Variants in MBD5 observed in about 807,000 individuals in gnomAD.
The protein encoded by MBD5 is methyl-CpG-binding domain protein 5.
MBD5 carries 13 observed loss-of-function variants against 117.3 expected under a neutral mutation model. The ratio of observed to expected loss-of-function variants is 0.11; its 90% CI spans 0.07 to 0.18. The LOEUF is 0.18. MBD5 is among the 10% of genes least tolerant of loss of function. The probability of loss-of-function intolerance (pLI) is 1.00; values close to 1 mark genes in which losing one functional copy is unlikely to be tolerated. For synonymous variants in MBD5, 727 were observed against 766.4 expected, an observed-to-expected ratio of 0.95 and a Z score of 0.85; for missense variants, 1,879 against 2,093.8, an observed-to-expected ratio of 0.90 and a Z score of 2.00.
chr2:148,081,933 C>T (rs1573993460), intron 1 of MBD5, among the ~76,000 whole-genome samples: 1 of 152,188 alleles, frequency 6.6e-6, no homozygotes, highest in East Asian at 1.9e-4. Flanking sequence ...GGTAAGTAAT[C>T]TTGCCCATAG....
At chr2:148,318,014 C>A (rs959964157) in intron 3 of MBD5, among the ~76,000 whole-genome samples, 1 of 152,122 alleles carries the variant, frequency 6.6e-6, no homozygotes, top group African/African-American at 2.4e-5. Context: ...ATTCTTAGTT[C>A]TTGAAGAACT....
chr2:148,155,608 T>C (rs1384519445), intron 1 of MBD5, among the ~76,000 whole-genome samples: 1 of 152,228 alleles, frequency 6.6e-6, no homozygotes, highest in African/African-American at 2.4e-5. Context: ...TTTGCCTTCA[T>C]TTGGGCTTTT....
At chr2:148,449,132 C>T (rs1706650840) in intron 4 of MBD5, among the ~76,000 whole-genome samples, 1 of 151,980 alleles carries the variant, frequency 6.6e-6, no homozygotes, top group Admixed American at 6.6e-5. Flanking sequence ...TGAGTACATT[C>T]CTAGGTGGGT....
chr2:148,326,142 G>A (rs924548745), intron 3 of MBD5, among the ~76,000 whole-genome samples: 6 of 152,144 alleles, frequency 3.9e-5, no homozygotes, highest in Non-Finnish European at 5.9e-5. Context: ...GTAGGTGAGT[G>A]GTTTTGAGTG....
intron 4 of MBD5, among the ~76,000 whole-genome samples, chr2:148,381,005 C>T (rs1215934636): frequency 6.6e-6 from 1 of 152,066 alleles, no homozygotes; most frequent in African/African-American, 2.4e-5. Flanking sequence ...GTAGATAAAA[C>T]CACAAAGATG....
chr2:148,487,746 C>T (rs886182860), intron 10 of MBD5, among the ~76,000 whole-genome samples: 1 of 152,130 alleles, frequency 6.6e-6, no homozygotes, highest in Admixed American at 6.5e-5. Context: ...TCTTGACACA[C>T]ACACACACAC....
At chr2:148,250,641 G>A (rs1181283833) in intron 3 of MBD5, among the ~76,000 whole-genome samples, 1 of 152,018 alleles carries the variant, frequency 6.6e-6, no homozygotes, top group African/African-American at 2.4e-5. Context: ...TTTCATTTCC[G>A]GACTTCATGG....
At chr2:148,334,145 A>G (rs1230523048) in intron 3 of MBD5, among the ~76,000 whole-genome samples, 1 of 152,062 alleles carries the variant, frequency 6.6e-6, no homozygotes, top group Non-Finnish European at 1.5e-5. Context: ...TTCCGTAAGC[A>G]CTGGCTGTCA....
intron 1 of MBD5, among the ~76,000 whole-genome samples, chr2:148,159,381 G>A (rs142323417): frequency 1.3e-5 from 2 of 152,050 alleles, no homozygotes; most frequent in East Asian, 3.9e-4. Flanking sequence ...GCAGTGGTAC[G>A]ATTGGCTCAC....
intron 1 of MBD5, among the ~76,000 whole-genome samples, chr2:148,095,064 G>A (rs1430793633): frequency 6.6e-6 from 1 of 152,102 alleles, no homozygotes; most frequent in African/African-American, 2.4e-5. Flanking sequence ...AAATAAAACT[G>A]TGGCAAGTGA....
At position 148,468,500 on chromosome 2, in the gene MBD5, T is replaced by A; in HGVS notation, c.557T>A (p.Leu186Gln). ...ATGGGAAGGCTATATGTACAAGAAC[T>A]GCCTGGAAGCCAACAACAAGAACTC... ...NAMGRLYVQE[L>Q]PGSQQQELHP... is the part of the protein sequence containing the mutation. The change falls in exon 8 of 14, where the codon CTG (leucine) becomes CAG (glutamine). Residue 186 changes from leucine to glutamine, a missense_variant. This residue lies in a region of MBD5 where 1,666 missense variants were observed against 1,792.2 expected (regional missense o/e 0.93). Coordinates refer to ENST00000642680, the MANE Select transcript of MBD5 (RefSeq NM_001378120.1). The A allele has an allele frequency of 6.2e-7, 1 of 1,613,872 alleles. No homozygotes were observed.
chr2:148,311,334 G>C (rs1323160546), intron 3 of MBD5, among the ~76,000 whole-genome samples: 1 of 152,042 alleles, frequency 6.6e-6, no homozygotes, highest in Non-Finnish European at 1.5e-5. Flanking sequence ...CAGTGCTCCT[G>C]TTATTAGGTG....
At chr2:148,372,983 T>C (rs1703897322) in intron 4 of MBD5, among the ~76,000 whole-genome samples, 1 of 152,154 alleles carries the variant, frequency 6.6e-6, no homozygotes. Context: ...CTCTCTGTAG[T>C]ATAATAAAGA....
At chr2:148,094,716 A>G (rs915242642) in intron 1 of MBD5, among the ~76,000 whole-genome samples, 1 of 152,194 alleles carries the variant, frequency 6.6e-6, no homozygotes, top group Admixed American at 6.5e-5. Flanking sequence ...CTGGATGAGA[A>G]TGTTATTAAA....
At chr2:148,367,344 T>A (rs779807960) in intron 4 of MBD5, among the ~76,000 whole-genome samples, 2 of 152,146 alleles carry the variant, frequency 1.3e-5, no homozygotes, top group East Asian at 1.9e-4. Context: ...GATTAAAGAC[T>A]TAAACGTAAG....
At chr2:148,238,974 A>C (rs372453369) in intron 3 of MBD5, among the ~76,000 whole-genome samples, 1 of 151,834 alleles carries the variant, frequency 6.6e-6, no homozygotes, top group African/African-American at 2.4e-5. Context: ...TTGGAGAAAC[A>C]TAATTCAACC....
At chr2:148,176,198 A>G (rs1010689876) in intron 1 of MBD5, among the ~76,000 whole-genome samples, 1 of 152,120 alleles carries the variant, frequency 6.6e-6, no homozygotes, top group Non-Finnish European at 1.5e-5. Flanking sequence ...TAAGGAAAAT[A>G]AGAGCTAAAG....
At chr2:148,177,521 A>T (rs1473072589) in intron 1 of MBD5, among the ~76,000 whole-genome samples, 1 of 152,206 alleles carries the variant, frequency 6.6e-6, no homozygotes, top group Non-Finnish European at 1.5e-5. Context: ...CTTTCAAATC[A>T]TTTTGACATT....
At chr2:148,330,040 C>G (rs1440330203) in intron 3 of MBD5, among the ~76,000 whole-genome samples, 310 of 23,384 alleles carry the variant, frequency 0.013, 18 homozygotes, top group African/African-American at 0.044. Flanking sequence ...AGAACCCCCC[C>G]CCGCCCCCCC....
Sources: allele counts gnomAD v4.1 joint callset (sites outside exome capture counted in the v4.1 genomes callset), GRCh38; gene constraint gnomAD v4.1.1; regional missense constraint gnomAD v4.1.1; transcripts MANE v1.5; gene names NCBI Gene and HGNC (gene_info 2026-07-23, HGNC 2026-07-21).